The following UTP14C variants were observed in gnomAD, a reference collection of about 807,000 sequenced individuals.
UTP14C encodes the protein UTP14C small subunit processome component.
Under a neutral mutation model 14.6 loss-of-function variants are expected in UTP14C, and 10 were observed. The ratio of observed to expected loss-of-function variants is 0.68; its 90% CI spans 0.42 to 1.16. The LOEUF (loss-of-function observed/expected upper bound fraction) is 1.16, where lower values mean the gene tolerates loss of function less well. Ranked by LOEUF, UTP14C falls within the 50% of genes most tolerant of loss-of-function variation. UTP14C has a pLI of 0.00. For synonymous variants in UTP14C, 315 were observed against 331.6 expected (o/e 0.95, Z 0.54); for missense variants, 818 against 890.8 (o/e 0.92, Z 1.04).
Position 52,033,372 on chromosome 13 carries a change from A to G in UTP14C, c.*2267A>G, listed in dbSNP as rs1007818619. 6.0e-6 allele frequency: 1 copy of G among 167,062 alleles called. No homozygotes were observed. The highest frequency in any genetic ancestry group is 2.4e-5 in the African/African-American group (1 of 41,446). The allele number at this position is 167,062 out of a possible 1,614,324, so 10.3% of individuals were successfully genotyped here. ...GGTTTTGTGTAATAATTATTTGTAA[A>G]TATTATTTAGATTTGTATTTAGACA... On this transcript the variant is annotated 3_prime_UTR_variant, in exon 2 of 2. Transcript: ENST00000521776.
Position 52,030,530 on chromosome 13 carries a change from C to A in UTP14C, c.1726C>A (p.Pro576Thr), listed in dbSNP as rs562055329. ...TCCTTCCGTGAGGTCTTTGGCAGTT[C>A]CCACAATAATAGAGGAGCTGGAAGA... The part of the protein sequence containing the change: ...QSPSVRSLAV[P>T]TIIEELEDEE... Residue 576 changes from proline (P) to threonine (T), a missense_variant, in exon 2 of 2, where the codon CCC (proline) becomes ACC (threonine). Pro to Thr is a conservative substitution (Grantham distance 38). Coordinates refer to ENST00000521776, the MANE Select transcript of UTP14C (RefSeq NM_021645.6). The A allele has an allele frequency of 5.6e-6, 9 of 1,614,038 alleles. No homozygotes were observed. In the South Asian group the frequency reaches 8.8e-5, roughly 16 times the overall value.
intron 1 of UTP14C, among the ~76,000 whole-genome samples, chr13:52,026,696 C>T (rs972528214): frequency 3.9e-5 from 6 of 152,144 alleles, no homozygotes; most frequent in Non-Finnish European, 7.3e-5. Flanking sequence ...GAGGGGAAAT[C>T]CAAGAGCAAA....
At position 52,029,854 on chromosome 13, in the gene UTP14C, A is replaced by G. The variant is rs756039486; in HGVS notation, c.1050A>G (p.Glu350=). The change falls in exon 2 of 2, where the codon GAA becomes GAG. Residue 350 remains glutamate (E), a synonymous_variant. Coordinates refer to ENST00000521776, the MANE Select transcript of UTP14C (RefSeq NM_021645.6). ...GTGAGGAAGAGGAGGGAGGCACAGA[A>G]GTGGAAGAACTCCTTGTCCCTCATG... ...SESEEEEGGT[E]VEELLVPHVA... is the part of the protein sequence containing the mutation. 6.2e-7 allele frequency: 1 copy of G among 1,614,238 alleles called. No homozygotes were observed. The highest frequency in any genetic ancestry group is 1.1e-5 in the South Asian group (1 of 91,088).
In UTP14C at chr13:52,029,879, G is replaced by A. The variant is rs778580124; in HGVS notation, c.1075G>A (p.Val359Ile). ...TEVEELLVPH[V>I]ANEVQMNVDG... ...AGTGGAAGAACTCCTTGTCCCTCATGTAGCGAATGAAGTGCAGATGAATGT... is the reference window on the plus strand; with the variant it reads ...AGTGGAAGAACTCCTTGTCCCTCATATAGCGAATGAAGTGCAGATGAATGT... The change falls in exon 2 of 2, where the codon GTA becomes ATA. Residue 359 changes from valine to isoleucine, a missense_variant. Physicochemically the swap from Val to Ile is conservative, Grantham distance 29 (BLOSUM62 3). Coordinates refer to ENST00000521776, the MANE Select transcript of UTP14C (RefSeq NM_021645.6). 2 of 1,614,224 alleles carry A rather than the reference G, an allele frequency of 1.2e-6. No individual in the cohort carries two copies. The highest frequency in any genetic ancestry group is 1.7e-6 in the Non-Finnish European group (2 of 1,180,040).
rs149032027 is a variant in UTP14C, at chr13:52,028,331, G to A, written c.-474G>A. 2.5e-6 allele frequency: 4 copies of A among 1,614,140 alleles called. No individual in the cohort carries two copies. The highest frequency in any genetic ancestry group is 2.2e-5 in the East Asian group (1 of 44,892). On this transcript the variant is annotated 5_prime_UTR_variant, in exon 2 of 2. Transcript: ENST00000521776. ...TTTTTTTTCTCAGGAGTTGTGGAGT[G>A]TATGGCAGCTGGCACAATTATCCTT...
At position 52,029,488 on chromosome 13, in the gene UTP14C, G is replaced by A; in HGVS notation, c.684G>A (p.Arg228=). The part of the protein sequence containing the change: ...EAKMHRAELQ[R]ARALQSYYEA... ...AGATGCACCGAGCAGAGCTTCAGAG[G>A]GCTCGGGCTCTGCAGTCCTACTATG... Residue 228 remains arginine, a synonymous_variant, in exon 2 of 2, where the codon AGG becomes AGA. Coordinates refer to ENST00000521776, the MANE Select transcript of UTP14C (RefSeq NM_021645.6). The A allele has an allele frequency of 6.2e-7, 1 of 1,614,076 alleles. No homozygotes were observed. Among genetic ancestry groups the A allele is most frequent in the East Asian group, 2.2e-5 (1 of 44,874 alleles).
chr13:52,030,348 T>G lies in UTP14C; in HGVS notation c.1544T>G (p.Leu515Arg). ...CAAACTCTGGAAGAGCTAGAAGAGCTGGGAAAAGAAGATTGTTTTCAAAAT... is the reference window on the plus strand; with the variant it reads ...CAAACTCTGGAAGAGCTAGAAGAGCGGGGAAAAGAAGATTGTTTTCAAAAT... ...RVQTLEELEELGKEDCFQNKE... is the reference protein window; with the variant it reads ...RVQTLEELEERGKEDCFQNKE... The change falls in exon 2 of 2, where the codon CTG becomes CGG. Residue 515 changes from leucine to arginine, a missense_variant. By Grantham distance (102) the Leu-to-Arg change is moderately radical. Transcript: ENST00000521776. The G allele has an allele frequency of 2.5e-6, 4 of 1,614,126 alleles. No individual in the cohort carries two copies. The highest frequency in any genetic ancestry group is 3.4e-6 in the Non-Finnish European group (4 of 1,180,022).
chr13:52,027,426 G>A (rs1232567721), intron 1 of UTP14C, among the ~76,000 whole-genome samples: 1 of 152,118 alleles, frequency 6.6e-6, no homozygotes, highest in African/African-American at 2.4e-5. Context: ...AATATGATAT[G>A]AGCTACTGAA....
Position 52,031,359 on chromosome 13 carries a change from A to C in UTP14C, c.*254A>C. 1 of 501,180 alleles carries C rather than the reference A, an allele frequency of 2.0e-6. No homozygotes were observed. Among genetic ancestry groups the C allele is most frequent in the Non-Finnish European group, 3.5e-6 (1 of 287,972 alleles). 31.0% of individuals were successfully genotyped at this position (501,180 alleles called of 1,614,324 possible). On this transcript the variant is annotated 3_prime_UTR_variant, in exon 2 of 2. Coordinates refer to ENST00000521776, the MANE Select transcript of UTP14C (RefSeq NM_021645.6). ...TGGATGACCCTTTTGAATATACCTA[A>C]TGATTTCCTTAAAAAAGAAATTTTA...
In UTP14C at chr13:52,030,441, C is replaced by T. The variant is rs1366423199; in HGVS notation, c.1637C>T (p.Ala546Val). The change falls in exon 2 of 2, where the codon GCC becomes GTC. Residue 546 changes from alanine to valine, a missense_variant. Physicochemically the swap from Ala to Val is moderately conservative, Grantham distance 64. Coordinates refer to ENST00000521776, the MANE Select transcript of UTP14C (RefSeq NM_021645.6). ...AGGACCCCAAATAATCGGCCTGATG[C>T]CCCTAAGGAGAAGAAAGAGAAGGAG... The part of the protein sequence containing the change: ...SERTPNNRPD[A>V]PKEKKEKEQL... 1.2e-6 allele frequency: 2 copies of T among 1,614,158 alleles called. No individual in the cohort carries two copies. The highest frequency in any genetic ancestry group is 2.7e-5 in the African/African-American group (2 of 75,026).
Position 52,032,640 on chromosome 13 carries a change from A to G in UTP14C, c.*1535A>G, listed in dbSNP as rs1954316930. Reference sequence around the variant, plus strand: ...TATGTTGTTGATACATCTCCAAGCCATCTGTCATCAGATCAAAAAGCAGCA... The same window carrying G: ...TATGTTGTTGATACATCTCCAAGCCGTCTGTCATCAGATCAAAAAGCAGCA... On this transcript the variant is annotated 3_prime_UTR_variant, in exon 2 of 2. Coordinates refer to ENST00000521776, the MANE Select transcript of UTP14C (RefSeq NM_021645.6). The G allele has an allele frequency of 1.2e-5, 2 of 167,080 alleles. No individual in the cohort carries two copies. Among genetic ancestry groups the G allele is most frequent in the Non-Finnish European group, 2.9e-5 (2 of 68,116 alleles). The allele number at this position is 167,080 out of a possible 1,614,324, so 10.3% of individuals were successfully genotyped here. A position where few individuals can be genotyped will look rare whatever the true frequency, so the allele number is the denominator to read the frequency against.
In UTP14C at chr13:52,030,104, C is replaced by G. The variant is rs749825159; in HGVS notation, c.1300C>G (p.Leu434Val). 1 of 1,614,198 alleles carries G rather than the reference C, an allele frequency of 6.2e-7. No individual in the cohort carries two copies. The highest frequency in any genetic ancestry group is 1.1e-5 in the South Asian group (1 of 91,082). ...ERQSLRKRSE[L>V]NQDAEPASSQ... The stretch of plus-strand genomic sequence containing the variant: ...GCAATCCCTTAGAAAAAGATCTGAG[C>G]TCAACCAGGATGCTGAGCCAGCAAG... The change falls in exon 2 of 2, where the codon CTC becomes GTC. Residue 434 changes from leucine (L) to valine (V), a missense_variant. Leu to Val is a conservative substitution (Grantham distance 32). Coordinates refer to ENST00000521776, the MANE Select transcript of UTP14C (RefSeq NM_021645.6).
In UTP14C at chr13:52,033,332, A is replaced by G. The variant is rs1384756046; in HGVS notation, c.*2227A>G. On this transcript the variant is annotated 3_prime_UTR_variant, in exon 2 of 2. Coordinates refer to ENST00000521776, the MANE Select transcript of UTP14C (RefSeq NM_021645.6). ...TCTTATTTACAGTTGTGTACTATAA[A>G]GTGTGTGTTACATAGGTTTTGTGTA... 1 of 167,112 alleles carries G rather than the reference A, an allele frequency of 6.0e-6. No homozygotes were observed. The highest frequency in any genetic ancestry group is 1.5e-5 in the Non-Finnish European group (1 of 68,116). 10.4% of individuals were successfully genotyped at this position (167,112 alleles called of 1,614,324 possible). A position where few individuals can be genotyped will look rare whatever the true frequency, so the allele number is the denominator to read the frequency against.
rs1954269236 is a variant in UTP14C, at chr13:52,028,940, C to A, written c.136C>A (p.Leu46Met). The A allele has an allele frequency of 2.5e-6, 4 of 1,614,080 alleles. No homozygotes were observed. The highest frequency in any genetic ancestry group is 1.3e-5 in the African/African-American group (1 of 74,924). Residue 46 changes from leucine (L) to methionine (M), a missense_variant, in exon 2 of 2, where the codon CTG becomes ATG. Coordinates refer to ENST00000521776, the MANE Select transcript of UTP14C (RefSeq NM_021645.6). ...TGGAGAGAGAAAGCATCAAAAGCTT[C>A]TGGAAGCAATCATTTCCCTTGATGG... is the stretch of plus-strand genomic sequence containing the variant. ...SDGERKHQKLLEAIISLDGKN... is the reference protein window; with the variant it reads ...SDGERKHQKLMEAIISLDGKN...
At chr13:52,026,717 G>A (rs986582885) in intron 1 of UTP14C, among the ~76,000 whole-genome samples, 1 of 152,206 alleles carries the variant, frequency 6.6e-6, no homozygotes, top group Admixed American at 6.5e-5. Flanking sequence ...TGCCATTAAT[G>A]AGCCAAGTTT....
At chr13:52,026,733 C>G (rs1954244530) in intron 1 of UTP14C, among the ~76,000 whole-genome samples, 1 of 152,138 alleles carries the variant, frequency 6.6e-6, no homozygotes, top group Non-Finnish European at 1.5e-5. Context: ...AGTTTTGAAC[C>G]TGCAGAATTT....
At chr13:52,027,609 C>T (rs1188581148) in intron 1 of UTP14C, among the ~76,000 whole-genome samples, 1 of 152,184 alleles carries the variant, frequency 6.6e-6, no homozygotes, top group Non-Finnish European at 1.5e-5. Context: ...CTAAGAAGGG[C>T]TGGCTAGAGT....
rs199791267 is a variant in UTP14C at position 52,031,740 on chromosome 13, CAGTT to C, written c.*638_*641del. On this transcript the variant is annotated 3_prime_UTR_variant, in exon 2 of 2. Transcript: ENST00000521776. ...GCATTTTGAAAGAGCGCTGGGCAAG[CAGTT>C]AGCACATCTGGGCCTACCTTCAGCT... 3.2e-3 allele frequency: 533 copies of C among 167,336 alleles called. 3 individuals carry two copies. Among genetic ancestry groups the C allele is most frequent in the African/African-American group, 0.011 (468 of 41,556 alleles). 10.4% of individuals were successfully genotyped at this position (167,336 alleles called of 1,614,324 possible).
chr13:52,025,430 C>T (rs747088142), intron 1 of UTP14C, among the ~76,000 whole-genome samples: 3 of 152,216 alleles, frequency 2.0e-5, no homozygotes, highest in Non-Finnish European at 2.9e-5. Flanking sequence ...ATGAGAATCT[C>T]TGGACAAGGC....
Sources: allele counts gnomAD v4.1 joint callset (sites outside exome capture counted in the v4.1 genomes callset), GRCh38; gene constraint gnomAD v4.1.1; transcripts MANE v1.5; gene names NCBI Gene and HGNC (gene_info 2026-07-23, HGNC 2026-07-21).